Variants in CUL2 observed in about 807,000 individuals in gnomAD.
The protein encoded by CUL2 is cullin-2.
CUL2 carries 22 observed loss-of-function variants against 110.2 expected under a neutral mutation model. The ratio of observed to expected loss-of-function variants is 0.20; its 90% CI spans 0.14 to 0.28. The LOEUF is 0.28. Ranked by LOEUF, CUL2 falls within the 10% of genes least tolerant of loss-of-function variation. The pLI is 1.00. For missense variants in CUL2, 631 were observed against 905.5 expected (o/e 0.70, Z 3.89); for synonymous variants, 279 against 293.2 (o/e 0.95, Z 0.49).
intron 1 of CUL2, among the ~76,000 whole-genome samples, chr10:35,081,110 G>A (rs893445051): frequency 1.3e-5 from 2 of 152,070 alleles, no homozygotes; most frequent in Non-Finnish European, 1.5e-5. Context: ...GGGAGTCCCA[G>A]CTACTCAGGA....
chr10:35,072,100 C>A (rs1210825190), intron 1 of CUL2, among the ~76,000 whole-genome samples: 1 of 151,858 alleles, frequency 6.6e-6, no homozygotes, highest in African/African-American at 2.4e-5. Context: ...TGAGAAGACA[C>A]AAGAAAATGA....
chr10:35,091,925 G>GC (rs1173320031), upstream of CUL2, among the ~76,000 whole-genome samples: 2 of 151,816 alleles, frequency 1.3e-5, no homozygotes, highest in East Asian at 1.9e-4. Flanking sequence ...ACCGTGTCAG[G>GC]CCCCCCCTGC....
intron 1 of CUL2, among the ~76,000 whole-genome samples, chr10:35,079,905 T>TACTA (rs2086905779): frequency 6.6e-6 from 1 of 152,168 alleles, no homozygotes; most frequent in Non-Finnish European, 1.5e-5. Context: ...TCAAGACAGC[T>TACTA]ACTAAGTGAC....
In CUL2 at chr10:35,010,103, T is replaced by A. The variant is rs1273012815; in HGVS notation, c.*208A>T. 3 of 333,696 alleles carry A rather than the reference T, an allele frequency of 9.0e-6. No individual in the cohort carries two copies. The highest frequency in any genetic ancestry group is 2.1e-5 in the African/African-American group (1 of 46,730). 20.7% of individuals were successfully genotyped at this position (333,696 alleles called of 1,614,324 possible). A position where few individuals can be genotyped will look rare whatever the true frequency, so the allele number is the denominator to read the frequency against. ...CTTCACTCATTCTTTTAATAAAGTT[T>A]TAAGAAATGTCATAATGACATGAGC... On this transcript the variant is annotated 3_prime_UTR_variant, in exon 21 of 21. Transcript: ENST00000374749.
At chr10:35,011,203 ATTTTTTAATTTTTTT>A (rs1254100775) in intron 20 of CUL2, among the ~76,000 whole-genome samples, 4,058 of 142,346 alleles carry the variant, frequency 0.029, 182 homozygotes, top group African/African-American at 0.094. Flanking sequence ...TAATTTTTTA[ATTTTTTAATTTTTTT>A]TTTTTTTTTT....
At chr10:35,102,797 C>T (rs1466485194) in intron 1 of CUL2, among the ~76,000 whole-genome samples, 8 of 151,128 alleles carry the variant, frequency 5.3e-5, no homozygotes, top group East Asian at 1.9e-4. Context: ...GCAGGAGAAT[C>T]GCTTGAACCT....
chr10:35,041,738 C>T (rs1221949330), intron 8 of CUL2, among the ~76,000 whole-genome samples: 1 of 151,976 alleles, frequency 6.6e-6, no homozygotes, highest in Non-Finnish European at 1.5e-5. Context: ...GGTTTTGCCA[C>T]GTTGCCCAGG....
chr10:35,052,617 G>A (rs975325063), intron 5 of CUL2, among the ~76,000 whole-genome samples: 1 of 152,056 alleles, frequency 6.6e-6, no homozygotes, highest in Non-Finnish European at 1.5e-5. Flanking sequence ...TAAAAATTGG[G>A]GGGCGCGGTG....
intron 5 of CUL2, among the ~76,000 whole-genome samples, chr10:35,052,695 A>C (rs2134864765): frequency 6.6e-6 from 1 of 152,216 alleles, no homozygotes; most frequent in Non-Finnish European, 1.5e-5. Flanking sequence ...GGAGATCGAG[A>C]CCATCCTGGC....
rs778537128 is a variant in CUL2, at chr10:35,029,588, A to G, written c.1439T>C (p.Met480Thr). 18 of 1,597,670 alleles carry G rather than the reference A, an allele frequency of 1.1e-5. No individual in the cohort carries two copies. The highest frequency in any genetic ancestry group is 1.4e-5 in the Non-Finnish European group (16 of 1,174,912). The change falls in exon 15 of 21, where the codon ATG (methionine) becomes ACG (threonine). Residue 480 changes from methionine (M) to threonine (T), a missense_variant. Physicochemically the swap from Met to Thr is moderately conservative, Grantham distance 81 (BLOSUM62 -1). Coordinates refer to ENST00000374749, the MANE Select transcript of CUL2 (RefSeq NM_003591.4). ...ATTGTTGAGATCAGCGCTGACACTC[A>G]TATCTGTATACATCCGATGTAGCTT... ...TSKLHRMYTD[M>T]SVSADLNNKF...
At chr10:35,038,558 T>C (rs1263434371) in intron 9 of CUL2, among the ~76,000 whole-genome samples, 2 of 141,242 alleles carry the variant, frequency 1.4e-5, no homozygotes, top group African/African-American at 5.3e-5. Flanking sequence ...AAATCAGATA[T>C]AGCTGATTTT....
chr10:35,105,813 G>C (rs1298554931), intron 1 of CUL2, among the ~76,000 whole-genome samples: 1 of 128,406 alleles, frequency 7.8e-6, no homozygotes, highest in Non-Finnish European at 1.6e-5. Flanking sequence ...GCTCCTGAAA[G>C]AGGCAATGTC....
At chr10:35,049,093 G>C (rs897499612) in intron 6 of CUL2, among the ~76,000 whole-genome samples, 2 of 152,154 alleles carry the variant, frequency 1.3e-5, no homozygotes, top group Admixed American at 6.5e-5. Context: ...CTTTGAGCCA[G>C]AGCTAATCCA....
chr10:35,033,693 C>T (rs2085536769), intron 10 of CUL2, among the ~76,000 whole-genome samples: 1 of 151,194 alleles, frequency 6.6e-6, no homozygotes, highest in South Asian at 2.1e-4. Context: ...GCAGAGATCG[C>T]ACCACTGCAC....
At chr10:35,034,311 T>C (rs1467154353) in intron 10 of CUL2, among the ~76,000 whole-genome samples, 1 of 152,182 alleles carries the variant, frequency 6.6e-6, no homozygotes, top group Non-Finnish European at 1.5e-5. Flanking sequence ...CTGAATACTA[T>C]AAACTAATAG....
At chr10:35,041,772 C>G (rs1011622184) in intron 8 of CUL2, among the ~76,000 whole-genome samples, 2 of 152,148 alleles carry the variant, frequency 1.3e-5, no homozygotes, top group South Asian at 4.1e-4. Context: ...CCTGGACTTG[C>G]GTAATCTGCC....
At chr10:35,050,937 C>T (rs1252772171) in intron 5 of CUL2, among the ~76,000 whole-genome samples, 2 of 152,214 alleles carry the variant, frequency 1.3e-5, no homozygotes, top group Admixed American at 6.5e-5. Flanking sequence ...TAGCAAAGCA[C>T]AAGATTTCCC....
intron 2 of CUL2, among the ~76,000 whole-genome samples, chr10:35,070,303 A>C (rs1643850620): frequency 6.6e-6 from 1 of 152,248 alleles, no homozygotes; most frequent in Non-Finnish European, 1.5e-5. Context: ...TGCCTACTGC[A>C]GTTGTAATGA....
At chr10:35,062,929 ATATT>A in intron 3 of CUL2, 27 bp downstream of exon 3, 1 of 1,206,166 alleles carries the variant, frequency 8.3e-7, no homozygotes, top group Non-Finnish European at 1.2e-6. Flanking sequence ...AACTATCAAC[ATATT>A]TATATCACGT....
Sources: allele counts gnomAD v4.1 joint callset (sites outside exome capture counted in the v4.1 genomes callset), GRCh38; gene constraint gnomAD v4.1.1; transcripts MANE v1.5; gene names NCBI Gene and HGNC (gene_info 2026-07-23, HGNC 2026-07-21).